Variants in MLH3 observed in about 807,000 individuals in gnomAD.
The protein encoded by MLH3 is DNA mismatch repair protein Mlh3.
A neutral mutation model predicts 122.2 loss-of-function variants in MLH3; 82 were observed. That is an observed-to-expected ratio of 0.67 (90% CI 0.56 to 0.81). The LOEUF (loss-of-function observed/expected upper bound fraction) is 0.81, where lower values mean the gene tolerates loss of function less well. Ranked by LOEUF, MLH3 falls within the 30% of genes least tolerant of loss-of-function variation. MLH3 has a pLI of 0.00. For synonymous variants in MLH3, 524 were observed against 599.5 expected (o/e 0.87, Z 1.84); for missense variants, 1,539 against 1,714.5 (o/e 0.90, Z 1.81).
At chr14:75,038,458 CA>C (rs756033229) in intron 5 of MLH3, 46 bp from the exon 6 acceptor site, 3 of 1,210,314 alleles carry the variant, frequency 2.5e-6, no homozygotes, top group Non-Finnish European at 3.7e-6. Context: ...TAAAAATTAA[CA>C]AAGGCTTATT....
chr14:75,037,261 C>T (rs1038287349), intron 6 of MLH3, among the ~76,000 whole-genome samples: 4 of 152,120 alleles, frequency 2.6e-5, no homozygotes, highest in African/African-American at 7.2e-5. Context: ...CATATTCAGA[C>T]CTCATTTTAC....
chr14:75,019,128 T>C, intron 11 of MLH3, 148 bp from the exon 12 acceptor site: 1 of 751,896 alleles, frequency 1.3e-6, no homozygotes, highest in Non-Finnish European at 2.2e-6. Context: ...TTGGTGCTTA[T>C]AGGCCGGGCA....
intron 8 of MLH3, among the ~76,000 whole-genome samples, 179 bp from the exon 9 acceptor site, chr14:75,030,881 T>C (rs530919659): frequency 6.6e-6 from 1 of 152,380 alleles, no homozygotes; most frequent in Non-Finnish European, 1.5e-5. Flanking sequence ...AATTTCCTTT[T>C]TGAATTACAG....
rs373915800 is a variant in MLH3, at chr14:75,048,585, T to G, written c.1071A>C (p.Leu357Phe). 1.2e-6 allele frequency: 2 copies of G among 1,613,936 alleles called. No individual in the cohort carries two copies. Among genetic ancestry groups the G allele is most frequent in the African/African-American group, 2.7e-5 (2 of 74,930 alleles). ...FLKQEKLFVE[L>F]SGEDIKEFSE... ...TAAATTCCTTAATATCCTCACCTGA[T>G]AATTCCACAAATAATTTTTCTTGCT... is the stretch of plus-strand genomic sequence containing the variant. Residue 357 changes from leucine to phenylalanine, a missense_variant, in exon 2 of 13, where the codon TTA becomes TTC. Transcript: ENST00000355774.
At chr14:75,017,240 A>T (rs770029032) in intron 12 of MLH3, 39 bp from the exon 13 acceptor site, 1 of 1,605,030 alleles carries the variant, frequency 6.2e-7, no homozygotes, top group African/African-American at 1.4e-5. Context: ...GCAATATGAA[A>T]AGGTAGGTAG....
At position 75,030,550 on chromosome 14, in the gene MLH3, A is replaced by G. The variant is rs757266275; in HGVS notation, c.3980T>C (p.Ile1327Thr). 1.1e-5 allele frequency: 17 copies of G among 1,613,976 alleles called. No homozygotes were observed. In the Admixed American group the frequency reaches 2.0e-4, roughly 19 times the overall value. Residue 1327 changes from isoleucine (I) to threonine (T), a missense_variant, in exon 9 of 13, where the codon ATT (isoleucine) becomes ACT (threonine). Physicochemically the swap from Ile to Thr is moderately conservative, Grantham distance 89. Coordinates refer to ENST00000355774, the MANE Select transcript of MLH3 (RefSeq NM_001040108.2). ...RRGRSTVTKS[I>T]VEEFIREQLE... ...TCTGCAGCTGTGTCTTACCTCCACAATACTCTTGGTCACAGTAGATCTTCC... is the reference window on the plus strand; with the variant it reads ...TCTGCAGCTGTGTCTTACCTCCACAGTACTCTTGGTCACAGTAGATCTTCC...
Position 75,046,766 on chromosome 14 carries a change from C to T in MLH3, c.2890G>A (p.Val964Met), listed in dbSNP as rs1385047353. 1.2e-6 allele frequency: 2 copies of T among 1,614,060 alleles called. No homozygotes were observed. The highest frequency in any genetic ancestry group is 2.7e-5 in the African/African-American group (2 of 74,918). The change falls in exon 2 of 13, where the codon GTG becomes ATG. Residue 964 changes from valine (V) to methionine (M), a missense_variant. Transcript: ENST00000355774. ...AATACCAAAGGAGTTTCTGATATCA[C>T]ACAGTTCTCTGTTGTATTGCTGTTA... ...HSNSNTTENC[V>M]ISETPLVLPY...
At position 75,047,998 on chromosome 14, in the gene MLH3, C is replaced by T; in HGVS notation, c.1658G>A (p.Arg553Lys). ...TCCCACTTCAGTAGCATCTTTAAATCTCTTTGGTTGATTCTGAATTCTATT... is the reference window on the plus strand; with the variant it reads ...TCCCACTTCAGTAGCATCTTTAAATTTCTTTGGTTGATTCTGAATTCTATT... Reference protein sequence around the residue: ...KNNRIQNQPKRFKDATEVGCQ... With the variant: ...KNNRIQNQPKKFKDATEVGCQ... The change falls in exon 2 of 13, where the codon AGA becomes AAA. Residue 553 changes from arginine to lysine, a missense_variant. Coordinates refer to ENST00000355774, the MANE Select transcript of MLH3 (RefSeq NM_001040108.2). 1 of 1,613,988 alleles carries T rather than the reference C, an allele frequency of 6.2e-7. No individual in the cohort carries two copies. Among genetic ancestry groups the T allele is most frequent in the Non-Finnish European group, 8.5e-7 (1 of 1,179,982 alleles).
In MLH3 at chr14:75,049,028, G is replaced by A. The variant is rs770668994; in HGVS notation, c.628C>T (p.Arg210Ter). 4.7e-5 allele frequency: 76 copies of A among 1,613,818 alleles called. No individual in the cohort carries two copies. The highest frequency in any genetic ancestry group is 6.1e-5 in the Non-Finnish European group (72 of 1,180,004). Reference sequence around the variant, plus strand: ...CCCAATCCATAAATTTGACAAAATCGGGAACATACGTCTTTGGTTTTAGGG... The same window carrying A: ...CCCAATCCATAAATTTGACAAAATCAGGAACATACGTCTTTGGTTTTAGGG... ...QLPKTKDVCS[R>*]FCQIYGLGKS... Residue 210 changes from arginine to a stop codon, truncating the protein, a stop_gained, in exon 2 of 13, where the codon CGA (arginine) becomes TGA (stop). Coordinates refer to ENST00000355774, the MANE Select transcript of MLH3 (RefSeq NM_001040108.2). LOFTEE classifies it high-confidence loss of function.
In MLH3 at chr14:75,016,969, A is replaced by C. The variant is rs1416260159; in HGVS notation, c.*113T>G. 6.2e-6 allele frequency: 8 copies of C among 1,281,632 alleles called. No individual in the cohort carries two copies. In the Admixed American group the frequency reaches 1.2e-4, roughly 19 times the overall value. The allele number at this position is 1,281,632 out of a possible 1,614,324, so 79.4% of individuals were successfully genotyped here. On this transcript the variant is annotated 3_prime_UTR_variant, in exon 13 of 13. Transcript: ENST00000355774. ...GAGAGCCCTGCTGTCTAAGCTGCTC[A>C]GGGACACTGGGCTGATTCAGTCAGG...
chr14:75,034,923 C>T (rs1393367652), intron 6 of MLH3, among the ~76,000 whole-genome samples: 1 of 151,416 alleles, frequency 6.6e-6, no homozygotes, highest in African/African-American at 2.4e-5. Flanking sequence ...ATTAGCCGGG[C>T]GTGGTGGCAG....
At chr14:75,019,153 T>G (rs890802823) in intron 11 of MLH3, 173 bp from the exon 12 acceptor site, 1 of 632,312 alleles carries the variant, frequency 1.6e-6, no homozygotes, top group South Asian at 1.9e-5. Flanking sequence ...GTCTCACACC[T>G]GTAATCCCAG....
At chr14:75,050,493 G>T (rs943914748) in intron 1 of MLH3, among the ~76,000 whole-genome samples, 1 of 152,006 alleles carries the variant, frequency 6.6e-6, no homozygotes, top group South Asian at 2.1e-4. Context: ...TGCACCTCCC[G>T]GGCTCAAGCA....
At position 75,048,091 on chromosome 14, in the gene MLH3, C is replaced by T; in HGVS notation, c.1565G>A (p.Gly522Glu). The T allele has an allele frequency of 6.2e-7, 1 of 1,614,128 alleles. No homozygotes were observed. Among genetic ancestry groups the T allele is most frequent in the South Asian group, 1.1e-5 (1 of 91,082 alleles). Residue 522 changes from glycine to glutamate, a missense_variant, in exon 2 of 13, where the codon GGG (glycine) becomes GAG (glutamate). Physicochemically the swap from Gly to Glu is moderately conservative, Grantham distance 98 (BLOSUM62 -2). Coordinates refer to ENST00000355774, the MANE Select transcript of MLH3 (RefSeq NM_001040108.2). ...TTCTTTCCATATTTCTAGATCCTGC[C>T]CACTCTCCTCAAAGTGACATGGTGT... ...FQTPCHFEESGQDLEIWKEST... is the reference protein window; with the variant it reads ...FQTPCHFEESEQDLEIWKEST...
chr14:75,033,625 T>A, intron 6 of MLH3, 135 bp from the exon 7 acceptor site: 1 of 704,818 alleles, frequency 1.4e-6, no homozygotes, highest in Non-Finnish European at 2.6e-6. Flanking sequence ...GTAACAATTG[T>A]ATCTTTTATT....
intron 2 of MLH3, among the ~76,000 whole-genome samples, chr14:75,045,603 C>T (rs896887258): frequency 4.6e-5 from 7 of 152,060 alleles, no homozygotes; most frequent in African/African-American, 1.2e-4. Context: ...CTGGAAGCCA[C>T]GCAGAGAAAC....
At position 75,046,751 on chromosome 14, in the gene MLH3, G is replaced by A. The variant is rs759555217; in HGVS notation, c.2905C>T (p.Pro969Ser). The change falls in exon 2 of 13, where the codon CCT (proline) becomes TCT (serine). Residue 969 changes from proline to serine, a missense_variant. Transcript: ENST00000355774. ...GAATTATTATAGGGCAATACCAAAG[G>A]AGTTTCTGATATCACACAGTTCTCT... ...TTENCVISET[P>S]LVLPYNNSKV... 9 of 1,614,034 alleles carry A rather than the reference G, an allele frequency of 5.6e-6. No individual in the cohort carries two copies. Among genetic ancestry groups the A allele is most frequent in the Middle Eastern group, 1.6e-4 (1 of 6,084 alleles).
At chr14:75,042,779 C>CA (rs1555344283) in intron 2 of MLH3, among the ~76,000 whole-genome samples, 8 of 142,448 alleles carry the variant, frequency 5.6e-5, no homozygotes, top group Non-Finnish European at 7.7e-5. Flanking sequence ...TCTTGAGACC[C>CA]TTTTTTTTTT....
At chr14:75,018,152 C>CA (rs5809691) in intron 12 of MLH3, among the ~76,000 whole-genome samples, 81,998 of 150,238 alleles carry the variant, frequency 0.55, 22,722 homozygotes, top group East Asian at 0.84. Context: ...TCTCAAAAAA[C>CA]AAAAAAAAAG....
Sources: allele counts gnomAD v4.1 joint callset (sites outside exome capture counted in the v4.1 genomes callset), GRCh38; gene constraint gnomAD v4.1.1; transcripts MANE v1.5; gene names NCBI Gene and HGNC (gene_info 2026-07-23, HGNC 2026-07-21).